Variants in TBC1D23 observed in about 807,000 individuals in gnomAD.
TBC1D23 encodes HCV non-structural protein 4A-transactivated protein 1.
TBC1D23 carries 55 observed loss-of-function variants against 91.4 expected under a neutral mutation model. The ratio of observed to expected loss-of-function variants is 0.60; its 90% CI spans 0.48 to 0.75. The LOEUF (loss-of-function observed/expected upper bound fraction) is 0.75. TBC1D23 is among the 30% of genes least tolerant of loss of function. TBC1D23 has a pLI of 0.00. For synonymous variants in TBC1D23, 289 were observed against 281.0 expected, an observed-to-expected ratio of 1.03 and a Z score of -0.28; for missense variants, 725 against 836.1, an observed-to-expected ratio of 0.87 and a Z score of 1.64.
At chr3:100,289,227 CA>C (rs900962123) in intron 4 of TBC1D23, among the ~76,000 whole-genome samples, 1 of 151,470 alleles carries the variant, frequency 6.6e-6, no homozygotes, top group African/African-American at 2.4e-5. Flanking sequence ...AAAAACAAAA[CA>C]AAAAAAACCC....
rs146639266 is a variant in TBC1D23, at chr3:100,320,821, T to A, written c.1868T>A (p.Ile623Asn). 3.4e-5 allele frequency: 54 copies of A among 1,610,658 alleles called. 1 individual carries two copies. In the African/African-American group the frequency reaches 6.4e-4, roughly 19 times the overall value. The change falls in exon 18 of 19, where the codon ATT becomes AAT. Residue 623 changes from isoleucine to asparagine, a missense_variant. Ile to Asn is a moderately radical substitution (Grantham distance 149). Coordinates refer to ENST00000394144, the MANE Select transcript of TBC1D23 (RefSeq NM_001199198.3). Reference sequence around the variant, plus strand: ...ACACATATGTACTGTTTAAGGGAGATTGTTTCACGGAAAGGATTGGCTTAT... The same window carrying A: ...ACACATATGTACTGTTTAAGGGAGAATGTTTCACGGAAAGGATTGGCTTAT... The part of the protein sequence containing the change: ...TATHMYCLRE[I>N]VSRKGLAYIQ...
At chr3:100,276,271 T>C (rs1228465572) in intron 1 of TBC1D23, among the ~76,000 whole-genome samples, 1 of 151,878 alleles carries the variant, frequency 6.6e-6, no homozygotes, top group African/African-American at 2.4e-5. Context: ...CATTTTTTCC[T>C]AGTGGGAGAT....
At chr3:100,292,266 T>C (rs2067798177) in intron 5 of TBC1D23, among the ~76,000 whole-genome samples, 1 of 152,224 alleles carries the variant, frequency 6.6e-6, no homozygotes, top group East Asian at 1.9e-4. Context: ...ACTGCTGCTC[T>C]TCTGGTTAAC....
chr3:100,261,027 A>T lies in TBC1D23; in HGVS notation c.9A>T (p.Glu3Asp). The change falls in exon 1 of 19, where the codon GAA (glutamate) becomes GAT (aspartate). Residue 3 changes from glutamate (E) to aspartate (D), a missense_variant. Transcript: ENST00000394144. The stretch of plus-strand genomic sequence containing the variant: ...CGTGGACGTCAACAGCAATGGCGGA[A>T]GGAGAAGATGTGCCGCCGCTGCCAA... MAEGEDVPPLPTS... is the reference protein window; with the variant it reads MADGEDVPPLPTS... 6.2e-7 allele frequency: 1 copy of T among 1,614,024 alleles called. No individual in the cohort carries two copies. The highest frequency in any genetic ancestry group is 2.2e-5 in the East Asian group (1 of 44,880).
At chr3:100,316,804 T>A (rs1705755353) in intron 16 of TBC1D23, among the ~76,000 whole-genome samples, 1 of 151,960 alleles carries the variant, frequency 6.6e-6, no homozygotes, top group Non-Finnish European at 1.5e-5. Flanking sequence ...TTAAAAAAAA[T>A]AATTTAGGCC....
chr3:100,308,357 C>T (rs1222602000), intron 13 of TBC1D23, among the ~76,000 whole-genome samples: 1 of 152,092 alleles, frequency 6.6e-6, no homozygotes, highest in Non-Finnish European at 1.5e-5. Flanking sequence ...CGCCTGTAGT[C>T]CCAGCTGCTC....
chr3:100,272,820 A>G (rs1294854490), intron 1 of TBC1D23, among the ~76,000 whole-genome samples: 1 of 152,252 alleles, frequency 6.6e-6, no homozygotes, highest in East Asian at 1.9e-4. Context: ...ATGCATACAC[A>G]TAAACATCTC....
intron 4 of TBC1D23, among the ~76,000 whole-genome samples, chr3:100,288,175 G>T (rs1443819420): frequency 6.6e-6 from 1 of 151,486 alleles, no homozygotes; most frequent in Non-Finnish European, 1.5e-5. Flanking sequence ...AGCCCAGGGA[G>T]GTCGAGGCTG....
intron 1 of TBC1D23, among the ~76,000 whole-genome samples, chr3:100,276,884 C>T (rs142854131): frequency 1.1e-4 from 17 of 152,314 alleles, no homozygotes; most frequent in African/African-American, 3.8e-4. Context: ...TTGGTCTGTC[C>T]TGACCTTTCT....
At chr3:100,284,870 A>G (rs1393516581) in intron 4 of TBC1D23, among the ~76,000 whole-genome samples, 1 of 152,202 alleles carries the variant, frequency 6.6e-6, no homozygotes, top group Non-Finnish European at 1.5e-5. Flanking sequence ...ATTTGCATAC[A>G]TGAGTAATTA....
intron 16 of TBC1D23, among the ~76,000 whole-genome samples, chr3:100,316,815 G>A (rs1176995024): frequency 2.6e-5 from 4 of 152,042 alleles, no homozygotes; most frequent in African/African-American, 4.8e-5. Context: ...AATTTAGGCC[G>A]GGCGCGGTGG....
intron 15 of TBC1D23, among the ~76,000 whole-genome samples, chr3:100,314,445 G>A (rs533633071): frequency 6.6e-6 from 1 of 152,138 alleles, no homozygotes; most frequent in African/African-American, 2.4e-5. Context: ...GTATAGATTT[G>A]ATCTCTATCT....
At chr3:100,323,060 C>T (rs1301347909) in intron 18 of TBC1D23, among the ~76,000 whole-genome samples, 2 of 152,272 alleles carry the variant, frequency 1.3e-5, no homozygotes, top group East Asian at 3.9e-4. Context: ...TTTCAGACCT[C>T]ATAACGCCAT....
At chr3:100,289,065 T>C (rs1240177564) in intron 4 of TBC1D23, among the ~76,000 whole-genome samples, 1 of 151,708 alleles carries the variant, frequency 6.6e-6, no homozygotes, top group Non-Finnish European at 1.5e-5. Context: ...AATACAAAAA[T>C]CGCCTGGGCA....
chr3:100,315,288 G>A (rs867850790), intron 15 of TBC1D23, among the ~76,000 whole-genome samples: 2 of 149,964 alleles, frequency 1.3e-5, no homozygotes, highest in South Asian at 2.1e-4. Context: ...TCAGCCTCCA[G>A]AGTAGCTGGA....
At chr3:100,306,378 A>G in intron 12 of TBC1D23, 59 bp from the exon 13 acceptor site, 1 of 961,758 alleles carries the variant, frequency 1.0e-6, no homozygotes, top group African/African-American at 1.6e-5. Context: ...GTTGGTAATG[A>G]ATTTTTCCAA....
intron 1 of TBC1D23, among the ~76,000 whole-genome samples, chr3:100,270,345 G>A (rs2067590544): frequency 6.6e-6 from 1 of 152,190 alleles, no homozygotes. Context: ...GTCAAACTTT[G>A]CAGTGTATGT....
intron 1 of TBC1D23, among the ~76,000 whole-genome samples, chr3:100,273,107 C>A (rs1162195254): frequency 6.6e-6 from 1 of 152,208 alleles, no homozygotes; most frequent in African/African-American, 2.4e-5. Context: ...CAGACTATCA[C>A]ATGGGGAGAA....
At chr3:100,270,963 A>G (rs1017735038) in intron 1 of TBC1D23, among the ~76,000 whole-genome samples, 8 of 152,302 alleles carry the variant, frequency 5.3e-5, no homozygotes, top group African/African-American at 1.7e-4. Context: ...TGGTCCTTTA[A>G]AAACTGCTAG....
Sources: gnomAD v4.1 joint callset for allele counts (sites outside exome capture counted in the v4.1 genomes callset) on GRCh38, gnomAD v4.1.1 for gene constraint, MANE v1.5 for transcripts, NCBI Gene and HGNC (gene_info 2026-07-23, HGNC 2026-07-21) for gene names.